PIK3C2A: variants seen among roughly 807,000 people sequenced by gnomAD.
PIK3C2A encodes phosphatidylinositol 4-phosphate 3-kinase C2 domain-containing subunit alpha.
In PIK3C2A, 97 loss-of-function variants were observed where a neutral mutation model predicts 204.5. That is an observed-to-expected ratio of 0.47 (90% CI 0.40 to 0.56). The LOEUF is 0.56. PIK3C2A is among the 20% of genes least tolerant of loss of function. PIK3C2A has a pLI of 0.00. For synonymous variants in PIK3C2A, 653 were observed against 664.4 expected (o/e 0.98, Z 0.26); for missense variants, 1,735 against 1,969.2 (o/e 0.88, Z 2.25).
At chr11:17,198,503 A>G (rs1852241549) in intron 1 of PIK3C2A, among the ~76,000 whole-genome samples, 1 of 152,178 alleles carries the variant, frequency 6.6e-6, no homozygotes, top group Admixed American at 6.6e-5. Flanking sequence ...TTCAGAGTTA[A>G]ATAAAATTAT....
At chr11:17,196,568 T>C (rs1414982991) in intron 1 of PIK3C2A, among the ~76,000 whole-genome samples, 2 of 152,044 alleles carry the variant, frequency 1.3e-5, no homozygotes, top group East Asian at 3.9e-4. Flanking sequence ...GGGAGGATAC[T>C]ATTATTATTA....
At chr11:17,148,374 C>T (rs1035538764) in intron 5 of PIK3C2A, 2 of 284,408 alleles carry the variant, frequency 7.0e-6, no homozygotes, top group Admixed American at 4.4e-5. Flanking sequence ...TGACTCTTTA[C>T]AGTAAGAAAG....
chr11:17,106,203 G>GCC (rs1848810737), intron 22 of PIK3C2A, among the ~76,000 whole-genome samples: 1 of 151,706 alleles, frequency 6.6e-6, no homozygotes, highest in Admixed American at 6.6e-5. Context: ...CTTGAGCTCA[G>GCC]GAGTTTGAGA....
At chr11:17,114,010 G>A (rs908604932) in intron 20 of PIK3C2A, among the ~76,000 whole-genome samples, 2 of 151,798 alleles carry the variant, frequency 1.3e-5, no homozygotes, top group African/African-American at 2.4e-5. Flanking sequence ...AACTTGGGAG[G>A]TGGAGGTTGC....
At chr11:17,147,451 AT>A in intron 6 of PIK3C2A, 65 bp downstream of exon 6, 1 of 871,270 alleles carries the variant, frequency 1.1e-6, no homozygotes, top group Non-Finnish European at 1.9e-6. Context: ...CAAGTTGAAA[AT>A]TGGCAAATTA....
rs753335948 is a variant in PIK3C2A, at chr11:17,169,422, T to A, written c.320A>T (p.Asp107Val). 10 of 1,614,132 alleles carry A rather than the reference T, an allele frequency of 6.2e-6. No individual in the cohort carries two copies. The highest frequency in any genetic ancestry group is 7.6e-6 in the Non-Finnish European group (9 of 1,180,010). Residue 107 changes from aspartate to valine, a missense_variant, in exon 2 of 33, where the codon GAC (aspartate) becomes GTC (valine). By Grantham distance (152) the Asp-to-Val change is radical. This residue lies in a region of PIK3C2A where 536 missense variants were observed against 546.7 expected (regional missense o/e 0.98). Transcript: ENST00000691414. ...AGGTGTTTTTTTAGTCTCGAAACTG[T>A]CATCCAGCAATAGTTTCTCAAGTTC... ...QAELEKLLLDDSFETKKTPVL... is the reference protein window; with the variant it reads ...QAELEKLLLDVSFETKKTPVL...
At position 17,150,573 on chromosome 11, in the gene PIK3C2A, A is replaced by G. The variant is rs762477805; in HGVS notation, c.1252T>C (p.Cys418Arg). Residue 418 changes from cysteine to arginine, a missense_variant, in exon 4 of 33, where the codon TGC becomes CGC. Transcript: ENST00000691414. Reference protein sequence around the residue: ...LSPVTAQRNICGENASVKVSI... With the variant: ...LSPVTAQRNIRGENASVKVSI... Reference sequence around the variant, plus strand: ...ACCTTCACACTAGCATTTTCTCCGCATATGTTTCTTTGTGCTGTGACTGGA... The same window carrying G: ...ACCTTCACACTAGCATTTTCTCCGCGTATGTTTCTTTGTGCTGTGACTGGA... The G allele has an allele frequency of 2.9e-5, 46 of 1,612,250 alleles. No individual in the cohort carries two copies. The highest frequency in any genetic ancestry group is 5.9e-6 in the Non-Finnish European group (7 of 1,179,084).
chr11:17,094,280 G>A lies in PIK3C2A; in HGVS notation c.4432C>T (p.Pro1478Ser). 6.2e-7 allele frequency: 1 copy of A among 1,610,462 alleles called. No homozygotes were observed. ...ACATACCCTGGTAACTTCCAAAGTG[G>A]AAAAATAATACTGAGCTTATTGTGA... ...ELHNKLSIIF[P>S]LWKLPGFPNR... is the part of the protein sequence containing the mutation. Residue 1478 changes from proline (P) to serine (S), a missense_variant, in exon 28 of 33, where the codon CCA (proline) becomes TCA (serine). Pro to Ser is a moderately conservative substitution (Grantham distance 74). This residue lies in a region of PIK3C2A where 503 missense variants were observed against 669.0 expected (regional missense o/e 0.75). Transcript: ENST00000691414.
At chr11:17,146,501 C>T (rs960606259) in intron 6 of PIK3C2A, among the ~76,000 whole-genome samples, 2 of 151,692 alleles carry the variant, frequency 1.3e-5, no homozygotes, top group African/African-American at 4.8e-5. Flanking sequence ...TCATTTGAGG[C>T]CAGGAGTTCG....
At position 17,122,739 on chromosome 11, in the gene PIK3C2A, G is replaced by A; in HGVS notation, c.2474C>T (p.Thr825Ile). The A allele has an allele frequency of 6.4e-7, 1 of 1,555,422 alleles. No individual in the cohort carries two copies. The highest frequency in any genetic ancestry group is 1.1e-5 in the South Asian group (1 of 87,690). ...SHTNSVPGTV[T>I]KKGYVMERIV... Reference sequence around the variant, plus strand: ...TCTTTCCATGACATATCCTTTTTTGGTAACTGTTCCAGGAACAGAATTTGT... The same window carrying A: ...TCTTTCCATGACATATCCTTTTTTGATAACTGTTCCAGGAACAGAATTTGT... Residue 825 changes from threonine to isoleucine, a missense_variant, in exon 14 of 33, where the codon ACC (threonine) becomes ATC (isoleucine). By Grantham distance (89) the Thr-to-Ile change is moderately conservative (BLOSUM62 -1). Transcript: ENST00000691414.
At chr11:17,150,338 G>C (rs1043083162) in intron 4 of PIK3C2A, among the ~76,000 whole-genome samples, 160 bp downstream of exon 4, 5 of 152,104 alleles carry the variant, frequency 3.3e-5, no homozygotes, top group African/African-American at 1.2e-4. Context: ...TATTTATAAA[G>C]GTAACCTGAT....
chr11:17,102,859 G>A, intron 23 of PIK3C2A, 28 bp from the exon 24 acceptor site: 8 of 1,428,106 alleles, frequency 5.6e-6, no homozygotes, highest in African/African-American at 1.4e-5. Context: ...AATTATTTTA[G>A]AAAATGAATT....
chr11:17,145,450 C>T (rs537116797), intron 8 of PIK3C2A, among the ~76,000 whole-genome samples: 1 of 152,238 alleles, frequency 6.6e-6, no homozygotes, highest in South Asian at 2.1e-4. Flanking sequence ...TCTTGCTGCC[C>T]TATGAAGAGG....
chr11:17,199,509 T>C (rs909789635), intron 1 of PIK3C2A, among the ~76,000 whole-genome samples: 2 of 152,208 alleles, frequency 1.3e-5, no homozygotes, highest in African/African-American at 4.8e-5. Flanking sequence ...TTAAATATGA[T>C]TCAGCCATAA....
intron 8 of PIK3C2A, among the ~76,000 whole-genome samples, chr11:17,144,222 T>C (rs1047214734): frequency 2.6e-5 from 4 of 152,230 alleles, no homozygotes; most frequent in Non-Finnish European, 5.9e-5. Context: ...TTTTTCTTGC[T>C]AACTGTGTAA....
intron 12 of PIK3C2A, 59 bp downstream of exon 12, chr11:17,131,857 T>C (rs1849705965): frequency 9.0e-6 from 13 of 1,437,842 alleles, no homozygotes; most frequent in Non-Finnish European, 1.2e-5. Flanking sequence ...GATGCATACA[T>C]TGGAAAAAGT....
intron 1 of PIK3C2A, among the ~76,000 whole-genome samples, chr11:17,200,596 G>A (rs905502500): frequency 1.3e-5 from 2 of 152,140 alleles, no homozygotes; most frequent in African/African-American, 4.8e-5. Context: ...GGAGTGAGGG[G>A]TGGGCTGAAG....
Position 17,168,948 on chromosome 11 carries a change from A to G in PIK3C2A, c.794T>C (p.Ile265Thr). 1 of 1,614,104 alleles carries G rather than the reference A, an allele frequency of 6.2e-7. No individual in the cohort carries two copies. Among genetic ancestry groups the G allele is most frequent in the South Asian group, 1.1e-5 (1 of 91,080 alleles). Residue 265 changes from isoleucine to threonine, a missense_variant, in exon 2 of 33, where the codon ATC becomes ACC. Ile to Thr is a moderately conservative substitution (Grantham distance 89). Transcript: ENST00000691414. ...NLQVSPKSED[I>T]SKFDWLDLDP... ...CAAGTCTAACCAGTCAAATTTACTGATATCCTCAGACTTTGGAGATACCTG... is the reference window on the plus strand; with the variant it reads ...CAAGTCTAACCAGTCAAATTTACTGGTATCCTCAGACTTTGGAGATACCTG...
chr11:17,119,957 T>C lies in PIK3C2A; in HGVS notation c.2675A>G (p.Lys892Arg). The C allele has an allele frequency of 1.3e-6, 2 of 1,557,962 alleles. No homozygotes were observed. Among genetic ancestry groups the C allele is most frequent in the Non-Finnish European group, 1.8e-6 (2 of 1,135,232 alleles). Residue 892 changes from lysine to arginine, a missense_variant, in exon 16 of 33, where the codon AAA becomes AGA. Around this residue, in one of 6 missense-constraint regions of PIK3C2A, gnomAD observed 567 missense variants for 576.0 expected, o/e 0.98. Coordinates refer to ENST00000691414, the MANE Select transcript of PIK3C2A (RefSeq NM_002645.4). ...DSSLGLSKEDKAFLWEKRYYC... is the reference protein window; with the variant it reads ...DSSLGLSKEDRAFLWEKRYYC... ...ATAACGTTTCTCCCATAAAAAAGCT[T>C]TATCTTCTTTAGAAAGTCTGCATAT...
Sources: gnomAD v4.1 joint callset for allele counts (sites outside exome capture counted in the v4.1 genomes callset) on GRCh38, gnomAD v4.1.1 for gene constraint, gnomAD v4.1.1 regional missense constraint, MANE v1.5 for transcripts, NCBI Gene and HGNC (gene_info 2026-07-23, HGNC 2026-07-21) for gene names.